Variants in DPYSL3 observed in about 807,000 individuals in gnomAD.
The protein encoded by DPYSL3 is dihydropyrimidinase like 3.
Under a neutral mutation model 66.1 loss-of-function variants are expected in DPYSL3, and 16 were observed. That is an observed-to-expected ratio of 0.24 (90% CI 0.16 to 0.37). The LOEUF (loss-of-function observed/expected upper bound fraction) is 0.37. Among genes scored for constraint, DPYSL3 ranks in the 10% least tolerant of loss-of-function variants. The pLI is 1.00. For synonymous variants in DPYSL3, 338 were observed against 345.1 expected (o/e 0.98, Z 0.23); for missense variants, 738 against 916.2 (o/e 0.81, Z 2.51).
At chr5:147,487,064 C>G (rs1211490871) in intron 1 of DPYSL3, among the ~76,000 whole-genome samples, 2 of 152,146 alleles carry the variant, frequency 1.3e-5, no homozygotes, top group South Asian at 2.1e-4. Flanking sequence ...CACTACCTCT[C>G]TTTTTGCAGC....
At chr5:147,398,282 C>T (rs1758056736) in intron 11 of DPYSL3, among the ~76,000 whole-genome samples, 1 of 152,196 alleles carries the variant, frequency 6.6e-6, no homozygotes, top group Admixed American at 6.5e-5. Context: ...CTCCCTACCT[C>T]CTTCATTTAC....
intron 2 of DPYSL3, among the ~76,000 whole-genome samples, chr5:147,420,206 A>G (rs1056529041): frequency 6.6e-6 from 1 of 152,150 alleles, no homozygotes; most frequent in Non-Finnish European, 1.5e-5. Flanking sequence ...CCTTGGCCAA[A>G]TTACCTTACC....
intron 1 of DPYSL3, among the ~76,000 whole-genome samples, chr5:147,449,202 A>G (rs905113196): frequency 6.6e-6 from 1 of 152,168 alleles, no homozygotes; most frequent in African/African-American, 2.4e-5. Flanking sequence ...TAACTGCTGC[A>G]GAGATCTGGG....
intron 1 of DPYSL3, among the ~76,000 whole-genome samples, chr5:147,479,648 C>T (rs1753208533): frequency 6.6e-6 from 1 of 152,150 alleles, no homozygotes; most frequent in Non-Finnish European, 1.5e-5. Context: ...TTAAATATCT[C>T]TGGGGAGAAA....
At chr5:147,500,005 A>G (rs1415993966) in intron 1 of DPYSL3, among the ~76,000 whole-genome samples, 1 of 152,226 alleles carries the variant, frequency 6.6e-6, no homozygotes, top group Non-Finnish European at 1.5e-5. Flanking sequence ...AAAAATCATA[A>G]CACGGATCTA....
chr5:147,396,947 T>A (rs1339542481), intron 12 of DPYSL3, among the ~76,000 whole-genome samples: 1 of 114,282 alleles, frequency 8.8e-6, no homozygotes, highest in Non-Finnish European at 1.8e-5. Context: ...AATATATTTA[T>A]TTATACGCAT....
chr5:147,404,465 T>C (rs1201873999), intron 8 of DPYSL3, among the ~76,000 whole-genome samples: 1 of 152,232 alleles, frequency 6.6e-6, no homozygotes, highest in East Asian at 1.9e-4. Context: ...ACAGGCCAGT[T>C]TGGTAGATGA....
chr5:147,449,139 C>G (rs746273032), intron 1 of DPYSL3, among the ~76,000 whole-genome samples: 74 of 118,316 alleles, frequency 6.3e-4, no homozygotes, highest in Non-Finnish European at 1.2e-3. Flanking sequence ...ATCCAAAGGT[C>G]GGATTGCATT....
chr5:147,498,225 A>G (rs1753550167), intron 1 of DPYSL3, among the ~76,000 whole-genome samples: 1 of 152,112 alleles, frequency 6.6e-6, no homozygotes, highest in South Asian at 2.1e-4. Flanking sequence ...GCTAAAGATA[A>G]TGGCCTCCAG....
At chr5:147,408,919 T>A (rs556336183) in intron 6 of DPYSL3, 123 bp from the exon 7 acceptor site, 116 of 964,368 alleles carry the variant, frequency 1.2e-4, no homozygotes, top group Middle Eastern at 6.9e-4. Context: ...GATGTATTAA[T>A]CCTATATTTG....
intron 6 of DPYSL3, 44 bp downstream of exon 6, chr5:147,412,564 G>C: frequency 6.4e-7 from 1 of 1,566,226 alleles, no homozygotes; most frequent in Non-Finnish European, 8.7e-7. Flanking sequence ...GAAGAAAATG[G>C]AATGCAGACC....
intron 1 of DPYSL3, among the ~76,000 whole-genome samples, chr5:147,494,927 C>T (rs1356819647): frequency 6.8e-6 from 1 of 147,338 alleles, no homozygotes; most frequent in Non-Finnish European, 1.5e-5. Context: ...TTACAAACAA[C>T]TGTATACCCA....
chr5:147,499,749 T>G (rs537744795), intron 1 of DPYSL3, among the ~76,000 whole-genome samples: 1 of 152,278 alleles, frequency 6.6e-6, no homozygotes, highest in South Asian at 2.1e-4. Flanking sequence ...GAATAGCCAA[T>G]GTTGAAGGAA....
intron 2 of DPYSL3, among the ~76,000 whole-genome samples, chr5:147,418,885 C>T (rs562258632): frequency 6.6e-6 from 1 of 152,218 alleles, no homozygotes; most frequent in East Asian, 1.9e-4. Context: ...ACTATAACCC[C>T]AGGGGTCTGA....
intron 1 of DPYSL3, among the ~76,000 whole-genome samples, chr5:147,500,805 C>T (rs1753595839): frequency 6.6e-6 from 1 of 152,120 alleles, no homozygotes; most frequent in Non-Finnish European, 1.5e-5. Context: ...AAATCCAGAA[C>T]ACTGACAACA....
At chr5:147,471,302 G>GA (rs922781660) in intron 1 of DPYSL3, among the ~76,000 whole-genome samples, 84 of 150,852 alleles carry the variant, frequency 5.6e-4, no homozygotes, top group Middle Eastern at 3.4e-3. Context: ...AAACTATTGA[G>GA]AAAAAAAAAG....
At chr5:147,446,071 T>C (rs1561791295) in intron 1 of DPYSL3, among the ~76,000 whole-genome samples, 1 of 152,190 alleles carries the variant, frequency 6.6e-6, no homozygotes, top group Non-Finnish European at 1.5e-5. Context: ...GTCGCTCTCA[T>C]CCACTTTCTC....
chr5:147,446,167 C>A (rs1194853161), intron 1 of DPYSL3, among the ~76,000 whole-genome samples: 1 of 152,172 alleles, frequency 6.6e-6, no homozygotes, highest in African/African-American at 2.4e-5. Context: ...CTCACAGGGT[C>A]ATTTGCACTG....
At chr5:147,396,678 C>T (rs1757983859) in intron 12 of DPYSL3, among the ~76,000 whole-genome samples, 1 of 152,098 alleles carries the variant, frequency 6.6e-6, no homozygotes, top group South Asian at 2.1e-4. Context: ...AAGAACTCTA[C>T]ATCATCAACA....
Sources: allele counts gnomAD v4.1 joint callset (sites outside exome capture counted in the v4.1 genomes callset), GRCh38; gene constraint gnomAD v4.1.1; transcripts MANE v1.5; gene names NCBI Gene and HGNC (gene_info 2026-07-23, HGNC 2026-07-21).